Variants in RNF152 observed in about 807,000 individuals in gnomAD.
RNF152 encodes the protein E3 ubiquitin-protein ligase RNF152.
RNF152 carries 11 observed loss-of-function variants against 12.7 expected under a neutral mutation model. The ratio of observed to expected loss-of-function variants is 0.86; its 90% CI spans 0.54 to 1.43. The LOEUF is 1.43. Among genes scored for constraint, RNF152 ranks in the 40% most tolerant of loss-of-function variants. The pLI is 0.00. For synonymous variants in RNF152, 113 were observed against 120.3 expected, an observed-to-expected ratio of 0.94 and a Z score of 0.40; for missense variants, 255 against 274.8, an observed-to-expected ratio of 0.93 and a Z score of 0.51.
chr18:61,834,053 G>A (rs1247363924), intron 1 of RNF152, among the ~76,000 whole-genome samples: 1 of 152,176 alleles, frequency 6.6e-6, no homozygotes, highest in Non-Finnish European at 1.5e-5. Flanking sequence ...CACCTACTAT[G>A]TACCAGACAC....
intron 1 of RNF152, among the ~76,000 whole-genome samples, chr18:61,831,978 C>T (rs895013513): frequency 2.0e-5 from 3 of 151,964 alleles, no homozygotes; most frequent in African/African-American, 7.3e-5. Context: ...CATACTCACA[C>T]ATATACCAAA....
intron 1 of RNF152, among the ~76,000 whole-genome samples, chr18:61,829,113 C>T (rs1909811266): frequency 6.6e-6 from 1 of 152,070 alleles, no homozygotes; most frequent in African/African-American, 2.4e-5. Flanking sequence ...AGTCAAATAC[C>T]CCTGCAATAG....
intron 1 of RNF152, among the ~76,000 whole-genome samples, chr18:61,847,143 C>T (rs1039766780): frequency 6.6e-6 from 1 of 151,304 alleles, no homozygotes; most frequent in African/African-American, 2.4e-5. Flanking sequence ...ACATTGCCAC[C>T]AAGAAAACAG....
intron 1 of RNF152, among the ~76,000 whole-genome samples, chr18:61,868,202 C>T (rs766684568): frequency 6.6e-6 from 1 of 152,210 alleles, no homozygotes; most frequent in Non-Finnish European, 1.5e-5. Context: ...TGTAGACTTA[C>T]AGCATATATC....
rs766856604 is a variant in RNF152 at position 61,811,630 on chromosome 18, A to T, written c.*4222T>A. ...AAGCTGGCCAACTTCAAGGGCAAAC[A>T]AAACCAGTCTGAACACTGCAAAACA... On this transcript the variant is annotated 3_prime_UTR_variant, in exon 2 of 2. Transcript: ENST00000312828. 1.3e-5 allele frequency: 2 copies of T among 152,268 alleles called. No individual in the cohort carries two copies. The highest frequency in any genetic ancestry group is 2.9e-5 in the Non-Finnish European group (2 of 68,048). 9.4% of individuals were successfully genotyped at this position (152,268 alleles called of 1,614,324 possible).
At chr18:61,871,188 C>A in intron 1 of RNF152, among the ~76,000 whole-genome samples, 1 of 112,284 alleles carries the variant, frequency 8.9e-6, no homozygotes, top group East Asian at 3.1e-4. Flanking sequence ...TGAACCACCT[C>A]CCACCCCCAC....
At chr18:61,834,566 A>AC (rs1910095415) in intron 1 of RNF152, among the ~76,000 whole-genome samples, 1 of 152,188 alleles carries the variant, frequency 6.6e-6, no homozygotes, top group African/African-American at 2.4e-5. Context: ...GACCCCAAGG[A>AC]CAGGGATCTG....
At chr18:61,834,986 A>G (rs1910117098) in intron 1 of RNF152, among the ~76,000 whole-genome samples, 1 of 152,158 alleles carries the variant, frequency 6.6e-6, no homozygotes, top group African/African-American at 2.4e-5. Flanking sequence ...TTCCAATGTC[A>G]ATTGAGGGTT....
intron 1 of RNF152, among the ~76,000 whole-genome samples, chr18:61,877,990 A>G (rs1912289050): frequency 6.6e-6 from 1 of 152,194 alleles, no homozygotes. Flanking sequence ...TTAGGAACCC[A>G]GGTTCTTTCT....
intron 1 of RNF152, among the ~76,000 whole-genome samples, chr18:61,847,750 C>T (rs4280353): frequency 0.45 from 67,650 of 151,726 alleles, 15,393 homozygotes; most frequent in Non-Finnish European, 0.49. Context: ...CTCCCTCCCA[C>T]CCACTTCCCA....
At chr18:61,819,857 C>T (rs111488589) in intron 1 of RNF152, among the ~76,000 whole-genome samples, 1 of 151,128 alleles carries the variant, frequency 6.6e-6, no homozygotes, top group Non-Finnish European at 1.5e-5. Context: ...TCTGTCTCTA[C>T]TAAAAATAAA....
At chr18:61,828,737 T>C (rs937956757) in intron 1 of RNF152, among the ~76,000 whole-genome samples, 1 of 152,198 alleles carries the variant, frequency 6.6e-6, no homozygotes, top group African/African-American at 2.4e-5. Flanking sequence ...GAGTAACAAA[T>C]ACTACTATTA....
intron 1 of RNF152, among the ~76,000 whole-genome samples, chr18:61,844,094 G>GAAAGAAAGAA (rs1555702318): frequency 8.2e-5 from 9 of 110,254 alleles, no homozygotes; most frequent in Non-Finnish European, 1.6e-4. Flanking sequence ...AAGAAAGAAA[G>GAAAGAAAGAA]AAAGAAAGAA....
chr18:61,838,397 A>G (rs549709527), intron 1 of RNF152, among the ~76,000 whole-genome samples: 1 of 152,338 alleles, frequency 6.6e-6, no homozygotes, highest in African/African-American at 2.4e-5. Flanking sequence ...TCAGCCCTGT[A>G]ACCAGAGACG....
At chr18:61,837,831 G>T (rs2144663657) in intron 1 of RNF152, among the ~76,000 whole-genome samples, 1 of 152,346 alleles carries the variant, frequency 6.6e-6, no homozygotes, top group South Asian at 2.1e-4. Context: ...AAAGTGTCTA[G>T]CAGAGTTCCT....
In RNF152 at chr18:61,816,553, T is replaced by TAATG. The variant is rs1393876106; in HGVS notation, c.-94_-91dup. 7.0e-7 allele frequency: 1 copy of TAATG among 1,434,534 alleles called. No individual in the cohort carries two copies. Among genetic ancestry groups the TAATG allele is most frequent in the African/African-American group, 1.4e-5 (1 of 70,496 alleles). The allele number at this position is 1,434,534 out of a possible 1,614,324, so 88.9% of individuals were successfully genotyped here. A position where few individuals can be genotyped will look rare whatever the true frequency, so the allele number is the denominator to read the frequency against. On this transcript the variant is annotated 5_prime_UTR_variant, in exon 2 of 2. An upstream open reading frame in the 5' UTR gains an earlier in-frame stop. Coordinates refer to ENST00000312828, the MANE Select transcript of RNF152 (RefSeq NM_173557.3). ...CCGCCCTGTGTCTTTGCAGTGCAGG[T>TAATG]AATGGCAAGCTCACAGGCATCCAGT...
intron 1 of RNF152, among the ~76,000 whole-genome samples, chr18:61,862,670 C>T (rs1599307075): frequency 1.3e-5 from 2 of 152,220 alleles, no homozygotes; most frequent in South Asian, 2.1e-4. Context: ...CCTCACCCCA[C>T]GTGTCTCTTC....
intron 1 of RNF152, among the ~76,000 whole-genome samples, chr18:61,854,626 G>A (rs1911136824): frequency 6.6e-6 from 1 of 152,142 alleles, no homozygotes; most frequent in African/African-American, 2.4e-5. Context: ...TATTTAAGCT[G>A]GGGTAATCAG....
At chr18:61,846,510 G>A (rs1160208056) in intron 1 of RNF152, among the ~76,000 whole-genome samples, 2 of 152,088 alleles carry the variant, frequency 1.3e-5, no homozygotes, top group Non-Finnish European at 2.9e-5. Context: ...TACAGGTTGA[G>A]GTAAGGGGAA....
Sources: gnomAD v4.1 joint callset for allele counts (sites outside exome capture counted in the v4.1 genomes callset) on GRCh38, gnomAD v4.1.1 for gene constraint, MANE v1.5 for transcripts, NCBI Gene and HGNC (gene_info 2026-07-23, HGNC 2026-07-21) for gene names.